The following NDUFAF2 variants were observed in gnomAD, a reference collection of about 807,000 sequenced individuals.
NDUFAF2 encodes NADH dehydrogenase [ubiquinone] 1 alpha subcomplex assembly factor 2.
Under a neutral mutation model 22.8 loss-of-function variants are expected in NDUFAF2, and 13 were observed. The observed-to-expected ratio is 0.57, with a 90% CI of 0.37 to 0.91. NDUFAF2 has a LOEUF of 0.91. NDUFAF2 is among the 40% of genes least tolerant of loss of function. The pLI is 0.01. For synonymous variants in NDUFAF2, 53 were observed against 64.2 expected (o/e 0.83, Z 0.84); for missense variants, 162 against 195.2 (o/e 0.83, Z 1.01).
chr5:61,075,732 A>G (rs899512518), intron 2 of NDUFAF2, among the ~76,000 whole-genome samples: 1 of 152,190 alleles, frequency 6.6e-6, no homozygotes, highest in African/African-American at 2.4e-5. Flanking sequence ...ACTAAACAAA[A>G]ATTATTTTTA....
intron 1 of NDUFAF2, among the ~76,000 whole-genome samples, chr5:60,995,333 C>T (rs868698195): frequency 1.3e-5 from 2 of 152,146 alleles, no homozygotes; most frequent in South Asian, 4.1e-4. Flanking sequence ...TTTGGGAAGG[C>T]TTTCTAGATA....
At chr5:61,002,094 G>A (rs1260273288) in intron 1 of NDUFAF2, among the ~76,000 whole-genome samples, 2 of 152,000 alleles carry the variant, frequency 1.3e-5, no homozygotes, top group African/African-American at 4.8e-5. Flanking sequence ...GACCAACCAG[G>A]ACAGCATTGT....
intron 1 of NDUFAF2, among the ~76,000 whole-genome samples, chr5:60,975,951 G>C (rs1750896671): frequency 6.6e-6 from 1 of 152,216 alleles, no homozygotes; most frequent in Non-Finnish European, 1.5e-5. Context: ...ATTATAATCA[G>C]CGTTGCAATA....
chr5:61,018,986 TG>T (rs1420859609), intron 1 of NDUFAF2, among the ~76,000 whole-genome samples: 1 of 152,156 alleles, frequency 6.6e-6, no homozygotes, highest in Middle Eastern at 3.2e-3. Context: ...TTTGTTTTCT[TG>T]TACTGACTGT....
At chr5:60,956,687 AT>A (rs1750621097) in intron 1 of NDUFAF2, among the ~76,000 whole-genome samples, 2 of 152,156 alleles carry the variant, frequency 1.3e-5, no homozygotes, top group Admixed American at 1.3e-4. Flanking sequence ...AGTGTTACTT[AT>A]ACGTTTATAA....
chr5:61,019,529 A>G (rs1025168437), intron 1 of NDUFAF2, among the ~76,000 whole-genome samples: 1 of 152,118 alleles, frequency 6.6e-6, no homozygotes, highest in Non-Finnish European at 1.5e-5. Flanking sequence ...GTACACTTCA[A>G]TAAGTTCATA....
intron 1 of NDUFAF2, among the ~76,000 whole-genome samples, chr5:60,951,558 C>T (rs1346935644): frequency 6.6e-6 from 1 of 152,154 alleles, no homozygotes; most frequent in Non-Finnish European, 1.5e-5. Flanking sequence ...GTAAACTCCA[C>T]TTGGTCATGA....
chr5:60,955,548 G>A (rs1299228547), intron 1 of NDUFAF2, among the ~76,000 whole-genome samples: 1 of 152,092 alleles, frequency 6.6e-6, no homozygotes, highest in African/African-American at 2.4e-5. Flanking sequence ...TGGCTACTCA[G>A]TGTCTTCTTG....
chr5:60,990,227 A>G (rs1052396598), intron 1 of NDUFAF2, among the ~76,000 whole-genome samples: 1 of 151,992 alleles, frequency 6.6e-6, no homozygotes, highest in Non-Finnish European at 1.5e-5. Context: ...AGTATTTGAT[A>G]GCAAAATAGC....
At chr5:61,034,583 G>C (rs1479210893) in intron 1 of NDUFAF2, among the ~76,000 whole-genome samples, 1 of 152,128 alleles carries the variant, frequency 6.6e-6, no homozygotes, top group Non-Finnish European at 1.5e-5. Flanking sequence ...AAAAATGTCT[G>C]TAACCATAGC....
At chr5:61,019,359 A>C (rs1304765477) in intron 1 of NDUFAF2, among the ~76,000 whole-genome samples, 5 of 152,026 alleles carry the variant, frequency 3.3e-5, no homozygotes, top group African/African-American at 1.2e-4. Flanking sequence ...ATTAGCTGCT[A>C]TTCTACCTTC....
chr5:61,117,357 A>G (rs1752924034), intron 3 of NDUFAF2, among the ~76,000 whole-genome samples: 1 of 152,044 alleles, frequency 6.6e-6, no homozygotes, highest in East Asian at 1.9e-4. Context: ...CAATAAAAAG[A>G]TGTATAATTT....
chr5:61,144,502 T>C (rs1404699790), intron 3 of NDUFAF2, among the ~76,000 whole-genome samples: 2 of 152,224 alleles, frequency 1.3e-5, no homozygotes, highest in African/African-American at 4.8e-5. Flanking sequence ...TTTGTATATA[T>C]ACTTAGATCT....
At chr5:61,055,866 T>C (rs1262919126) in intron 1 of NDUFAF2, among the ~76,000 whole-genome samples, 1 of 152,206 alleles carries the variant, frequency 6.6e-6, no homozygotes, top group Non-Finnish European at 1.5e-5. Flanking sequence ...TTCAATTTTC[T>C]TTGAGCTTTA....
At chr5:61,094,348 T>C (rs1327141835) in intron 2 of NDUFAF2, among the ~76,000 whole-genome samples, 1 of 152,240 alleles carries the variant, frequency 6.6e-6, no homozygotes, top group East Asian at 1.9e-4. Context: ...TTGGTTACAT[T>C]CTTCTCTATA....
intron 1 of NDUFAF2, among the ~76,000 whole-genome samples, chr5:61,002,226 CT>C (rs1445039054): frequency 6.6e-6 from 1 of 152,096 alleles, no homozygotes; most frequent in Non-Finnish European, 1.5e-5. Context: ...TTTCAGTTAC[CT>C]ATTCTGTGAG....
intron 1 of NDUFAF2, among the ~76,000 whole-genome samples, chr5:61,059,924 A>G (rs1329011082): frequency 6.6e-6 from 1 of 152,146 alleles, no homozygotes; most frequent in East Asian, 1.9e-4. Flanking sequence ...ATAGTCATGC[A>G]TAAGATGTTA....
At chr5:60,960,770 TG>T (rs534539492) in intron 1 of NDUFAF2, among the ~76,000 whole-genome samples, 20 of 152,208 alleles carry the variant, frequency 1.3e-4, no homozygotes, top group Non-Finnish European at 2.6e-4. Context: ...CTTAAAAGGC[TG>T]TTTTTTTGCT....
At chr5:61,063,113 T>C (rs1223000469) in intron 1 of NDUFAF2, among the ~76,000 whole-genome samples, 2 of 151,962 alleles carry the variant, frequency 1.3e-5, no homozygotes, top group East Asian at 1.9e-4. Flanking sequence ...CATGTGAAAG[T>C]ATAAAAACCA....
Sources: allele counts gnomAD v4.1 joint callset (sites outside exome capture counted in the v4.1 genomes callset), GRCh38; gene constraint gnomAD v4.1.1; transcripts MANE v1.5; gene names NCBI Gene and HGNC (gene_info 2026-07-23, HGNC 2026-07-21).